Variants in DNPEP observed in about 807,000 individuals in gnomAD.
DNPEP encodes aspartyl aminopeptidase.
A neutral mutation model predicts 59.1 loss-of-function variants in DNPEP; 46 were observed. The ratio of observed to expected loss-of-function variants is 0.78; its 90% CI spans 0.61 to 0.99. DNPEP has a LOEUF of 0.99. Among genes scored for constraint, DNPEP ranks in the 50% least tolerant of loss-of-function variants. The probability of loss-of-function intolerance (pLI) is 0.00; values close to 1 mark genes in which losing one functional copy is unlikely to be tolerated. For missense variants in DNPEP, 617 were observed against 649.9 expected, an observed-to-expected ratio of 0.95 and a Z score of 0.55; for synonymous variants, 229 against 242.2, an observed-to-expected ratio of 0.95 and a Z score of 0.50.
intron 13 of DNPEP, among the ~76,000 whole-genome samples, chr2:219,376,760 G>A (rs1450999143): frequency 6.6e-6 from 1 of 152,174 alleles, no homozygotes; most frequent in Non-Finnish European, 1.5e-5. Context: ...TTTAGACAAG[G>A]ATTATTGTAA....
At chr2:219,387,726 G>T (rs994405645) in intron 1 of DNPEP, 33 bp downstream of exon 1, 1 of 1,607,712 alleles carries the variant, frequency 6.2e-7, no homozygotes, top group African/African-American at 1.3e-5. Flanking sequence ...GTCTGGGATC[G>T]AAATTCAAGT....
intron 11 of DNPEP, 26 bp from the exon 12 acceptor site, chr2:219,381,610 C>T (rs1265255398): frequency 1.2e-6 from 2 of 1,613,482 alleles, no homozygotes; most frequent in Non-Finnish European, 8.5e-7. Flanking sequence ...AAGGGCCAGA[C>T]ATAGCAAACA....
chr2:219,381,832 C>A, intron 11 of DNPEP, 147 bp downstream of exon 11: 2 of 1,019,284 alleles, frequency 2.0e-6, no homozygotes, highest in South Asian at 1.5e-5. Context: ...GTTGGTCTCG[C>A]AGTAGTGAAA....
At chr2:219,386,541 C>A in intron 4 of DNPEP, 124 bp downstream of exon 4, 2 of 1,470,336 alleles carry the variant, frequency 1.4e-6, no homozygotes, top group South Asian at 1.2e-5. Context: ...AAGGAAGGGG[C>A]CAACAAGTTT....
In DNPEP at chr2:219,374,201, G is replaced by C. The variant is rs1357744937; in HGVS notation, c.*91C>G. 26 of 1,250,608 alleles carry C rather than the reference G, an allele frequency of 2.1e-5. No individual in the cohort carries two copies. Among genetic ancestry groups the C allele is most frequent in the Non-Finnish European group, 2.9e-5 (25 of 853,214 alleles). 77.5% of individuals were successfully genotyped at this position (1,250,608 alleles called of 1,614,324 possible). A position where few individuals can be genotyped will look rare whatever the true frequency, so the allele number is the denominator to read the frequency against. On this transcript the variant is annotated 3_prime_UTR_variant, in exon 15 of 15. Coordinates refer to ENST00000273075, the MANE Select transcript of DNPEP (RefSeq NM_012100.4). The stretch of plus-strand genomic sequence containing the variant: ...TAAGCGTAGCACGGAGAGTCTGAGT[G>C]ACAATCCACTTTAATAATCCAGCTT...
At chr2:219,397,349 T>A (rs1954116228) in intron 1 of DNPEP, among the ~76,000 whole-genome samples, 1 of 152,002 alleles carries the variant, frequency 6.6e-6, no homozygotes, top group Non-Finnish European at 1.5e-5. Flanking sequence ...TCCAGAGAGC[T>A]AATTGGTTTT....
At position 219,374,243 on chromosome 2, in the gene DNPEP, T is replaced by C; in HGVS notation, c.*49A>G. 6.5e-7 allele frequency: 1 copy of C among 1,527,758 alleles called. No individual in the cohort carries two copies. The highest frequency in any genetic ancestry group is 9.1e-7 in the Non-Finnish European group (1 of 1,101,786). 94.6% of individuals were successfully genotyped at this position (1,527,758 alleles called of 1,614,324 possible). ...ATCCAGCTTCAGCTCAGCTGAGAACTTCCCCTCTCAGGTGCAAAGGGATGG... is the reference window on the plus strand; with the variant it reads ...ATCCAGCTTCAGCTCAGCTGAGAACCTCCCCTCTCAGGTGCAAAGGGATGG... On this transcript the variant is annotated 3_prime_UTR_variant, in exon 15 of 15. Transcript: ENST00000273075.
At chr2:219,381,280 T>A in intron 13 of DNPEP, 55 bp downstream of exon 13, 1 of 1,519,430 alleles carries the variant, frequency 6.6e-7, no homozygotes, top group Non-Finnish European at 9.1e-7. Context: ...CCCATCTGTT[T>A]GTGCCCCCAC....
chr2:219,373,721 ACAAT>A lies in DNPEP; in HGVS notation c.*567_*570del, dbSNP rs1432705599. The stretch of plus-strand genomic sequence containing the variant: ...AATCTTTTTTCCTGATAATATGTTC[ACAAT>A]CAAGTAATACCAGGGACTGCTGAGA... On this transcript the variant is annotated 3_prime_UTR_variant, in exon 15 of 15. Transcript: ENST00000273075. 6.6e-6 allele frequency: 1 copy of A among 152,488 alleles called. No homozygotes were observed. Among genetic ancestry groups the A allele is most frequent in the Non-Finnish European group, 1.5e-5 (1 of 68,264 alleles). 9.4% of individuals were successfully genotyped at this position (152,488 alleles called of 1,614,324 possible). A position where few individuals can be genotyped will look rare whatever the true frequency, so the allele number is the denominator to read the frequency against.
chr2:219,382,910 C>T (rs2125135417), intron 10 of DNPEP, among the ~76,000 whole-genome samples: 1 of 152,334 alleles, frequency 6.6e-6, no homozygotes, highest in South Asian at 2.1e-4. Context: ...AAGGAAGAAG[C>T]TCACCATGTG....
rs1032973795 is a variant in DNPEP at position 219,386,203 on chromosome 2, A to G, written c.459+83T>C. ...GTGGTCCTCTGACCAGACTGCCCCC[A>G]CCCCTCTTCCCCACGGGTACCCTGA... On this transcript the variant is annotated intron_variant, in intron 5 of 14. Transcript: ENST00000273075. The G allele has an allele frequency of 5.6e-6, 9 of 1,609,568 alleles. No homozygotes were observed. The East Asian group carries it at 1.8e-4, about 32-fold the overall frequency.
Position 219,372,683 on chromosome 2 carries a change from G to T in DNPEP, c.*1609C>A, listed in dbSNP as rs565977530. On this transcript the variant is annotated 3_prime_UTR_variant, in exon 15 of 15. Coordinates refer to ENST00000273075, the MANE Select transcript of DNPEP (RefSeq NM_012100.4). ...TGCCTGGCCATATAATGTTTTGAAG[G>T]TACTCCTTGTCCTGTGTCCAGTTCT... Among the ~76,000 whole-genome samples the T allele has an allele frequency of 1.1e-4, 16 of 152,126 alleles. No homozygotes were observed. The highest frequency in any genetic ancestry group is 3.9e-4 in the African/African-American group (16 of 41,516).
rs761882560 is a variant in DNPEP, at chr2:219,383,210, A to G, written c.857T>C (p.Leu286Ser). The part of the protein sequence containing the change: ...LHSCFCALQA[L>S]IDSCAGPGSL... ...GCCAGGGCCTGCACAGGAATCTATC[A>G]AGGCCTGGTTCAGGGAAGGAAATGA... is the stretch of plus-strand genomic sequence containing the variant. The change falls in exon 10 of 15, where the codon TTG (leucine) becomes TCG (serine). Residue 286 changes from leucine to serine, a missense_variant. Transcript: ENST00000273075. 6.2e-7 allele frequency: 1 copy of G among 1,613,918 alleles called. No individual in the cohort carries two copies.
chr2:219,384,507 C>A, intron 8 of DNPEP, 64 bp from the exon 9 acceptor site: 3 of 1,402,950 alleles, frequency 2.1e-6, no homozygotes, highest in Non-Finnish European at 3.0e-6. Context: ...TTCTTTTGCT[C>A]CCAAGGGTCT....
intron 1 of DNPEP, among the ~76,000 whole-genome samples, chr2:219,396,037 A>G (rs993460416): frequency 6.6e-6 from 1 of 152,204 alleles, no homozygotes; most frequent in African/African-American, 2.4e-5. Context: ...GCTAAATGCA[A>G]CGCTGTGGAT....
chr2:219,382,869 C>T (rs190318802), intron 10 of DNPEP, among the ~76,000 whole-genome samples: 9 of 152,288 alleles, frequency 5.9e-5, no homozygotes, highest in South Asian at 2.1e-4. Context: ...CCTGGGGCTA[C>T]GAGGATGGGC....
At position 219,382,825 on chromosome 2, in the gene DNPEP, C is replaced by G. The variant is rs550372637; in HGVS notation, c.936+306G>C. Among the ~76,000 whole-genome samples the G allele has an allele frequency of 3.3e-5, 5 of 152,342 alleles. No individual in the cohort carries two copies. In the South Asian group the frequency reaches 8.3e-4, roughly 25 times the overall value. On this transcript the variant is annotated intron_variant, in intron 10 of 14. Coordinates refer to ENST00000273075, the MANE Select transcript of DNPEP (RefSeq NM_012100.4). ...GCAGCTGAGACTGCAGCCTCACACA[C>G]GCAGGCATCATGAGGACCTACTCTG...
intron 1 of DNPEP, among the ~76,000 whole-genome samples, chr2:219,395,496 C>G (rs949382131): frequency 6.6e-6 from 1 of 152,184 alleles, no homozygotes; most frequent in Non-Finnish European, 1.5e-5. Context: ...TTGCCCACTC[C>G]AGGATTTCTT....
chr2:219,385,139 T>A (rs1953755690), intron 8 of DNPEP: 1 of 364,658 alleles, frequency 2.7e-6, no homozygotes, highest in African/African-American at 2.0e-5. Context: ...CAGTTCAGTG[T>A]CAGTGTGGGT....
Sources: gnomAD v4.1 joint callset for allele counts (sites outside exome capture counted in the v4.1 genomes callset) on GRCh38, gnomAD v4.1.1 for gene constraint, MANE v1.5 for transcripts, NCBI Gene and HGNC (gene_info 2026-07-23, HGNC 2026-07-21) for gene names.